The following ITGA2 variants were observed in gnomAD, a reference collection of about 807,000 sequenced individuals.
The protein encoded by ITGA2 is integrin alpha-2.
Under a neutral mutation model 146.3 loss-of-function variants are expected in ITGA2, and 101 were observed. The ratio of observed to expected loss-of-function variants is 0.69; its 90% CI spans 0.59 to 0.81. The LOEUF is 0.81. Among genes scored for constraint, ITGA2 ranks in the 40% least tolerant of loss-of-function variants. ITGA2 has a pLI of 0.00. For missense variants in ITGA2, 1,281 were observed against 1,402.7 expected (o/e 0.91, Z 1.39); for synonymous variants, 477 against 487.1 (o/e 0.98, Z 0.27).
At chr5:52,995,297 G>A (rs1741181443) in intron 1 of ITGA2, among the ~76,000 whole-genome samples, 1 of 152,194 alleles carries the variant, frequency 6.6e-6, no homozygotes, top group Non-Finnish European at 1.5e-5. Flanking sequence ...AGGAGAGTGG[G>A]TTGGATGGAG....
chr5:53,070,925 T>C (rs764695463), intron 17 of ITGA2, among the ~76,000 whole-genome samples: 1 of 151,912 alleles, frequency 6.6e-6, no homozygotes. Context: ...TTTCTTAGAA[T>C]ACAGTTCTCA....
Position 52,989,493 on chromosome 5 carries a change from G to T in ITGA2, c.25G>T (p.Ala9Ser), listed in dbSNP as rs1740804694. The T allele has an allele frequency of 6.2e-7, 1 of 1,614,042 alleles. No homozygotes were observed. Among genetic ancestry groups the T allele is most frequent in the African/African-American group, 1.3e-5 (1 of 74,948 alleles). Reference sequence around the variant, plus strand: ...GATGGGGCCAGAACGGACAGGGGCCGCGCCGCTGCCGCTGCTGCTGGTGTT... The same window carrying T: ...GATGGGGCCAGAACGGACAGGGGCCTCGCCGCTGCCGCTGCTGCTGGTGTT... MGPERTGAAPLPLLLVLAL... is the reference protein window; with the variant it reads MGPERTGASPLPLLLVLAL... Residue 9 changes from alanine to serine, a missense_variant, in exon 1 of 30, where the codon GCG (alanine) becomes TCG (serine). Coordinates refer to ENST00000296585, the MANE Select transcript of ITGA2 (RefSeq NM_002203.4).
chr5:52,996,378 G>A (rs897554407), intron 1 of ITGA2, among the ~76,000 whole-genome samples: 1 of 152,136 alleles, frequency 6.6e-6, no homozygotes, highest in Non-Finnish European at 1.5e-5. Flanking sequence ...CAGAGAGAAA[G>A]GAGAGGAAGA....
At chr5:53,004,111 A>T (rs1561281036) in intron 1 of ITGA2, among the ~76,000 whole-genome samples, 1 of 152,178 alleles carries the variant, frequency 6.6e-6, no homozygotes. Flanking sequence ...ATAGCAATAC[A>T]CTACTCCAGC....
intron 1 of ITGA2, among the ~76,000 whole-genome samples, chr5:53,008,036 T>TA (rs1004321116): frequency 6.6e-6 from 1 of 152,136 alleles, no homozygotes; most frequent in Non-Finnish European, 1.5e-5. Flanking sequence ...CCTGAAATAG[T>TA]AAATTGGAAT....
At position 52,997,562 on chromosome 5, in the gene ITGA2, C is replaced by T. The variant is rs188323537; in HGVS notation, c.64+8030C>T. Among the ~76,000 whole-genome samples the T allele has an allele frequency of 1.2e-4, 19 of 152,334 alleles. No homozygotes were observed. The East Asian group carries it at 2.5e-3, about 20-fold the overall frequency. On this transcript the variant is annotated intron_variant, in intron 1 of 29. Transcript: ENST00000296585. ...CGAGCAAAGCTATTGCACCGATGGA[C>T]GCCTTGAACATTGGCAGTTGTCATT...
intron 1 of ITGA2, among the ~76,000 whole-genome samples, chr5:52,992,745 T>C (rs200037808): frequency 6.6e-6 from 1 of 152,352 alleles, no homozygotes; most frequent in East Asian, 1.9e-4. Flanking sequence ...AAGACACTTA[T>C]ATGTTTCCAA....
chr5:53,028,265 G>A (rs1330267176), intron 2 of ITGA2, among the ~76,000 whole-genome samples: 1 of 152,192 alleles, frequency 6.6e-6, no homozygotes, highest in Non-Finnish European at 1.5e-5. Context: ...TTTCTCAGCA[G>A]GCATCTTGGA....
At chr5:53,012,942 G>T (rs1742213113) in intron 1 of ITGA2, among the ~76,000 whole-genome samples, 1 of 151,926 alleles carries the variant, frequency 6.6e-6, no homozygotes, top group Non-Finnish European at 1.5e-5. Flanking sequence ...TTTTTAATGG[G>T]GTTGTTTGGT....
intron 4 of ITGA2, among the ~76,000 whole-genome samples, chr5:53,046,421 T>C (rs1297737972): frequency 2.0e-5 from 3 of 152,054 alleles, no homozygotes; most frequent in Non-Finnish European, 4.4e-5. Context: ...TTGTGATATG[T>C]GTTAACATCA....
At chr5:53,055,743 T>A in intron 8 of ITGA2, 55 bp downstream of exon 8, 1 of 1,589,434 alleles carries the variant, frequency 6.3e-7, no homozygotes, top group Non-Finnish European at 8.6e-7. Flanking sequence ...TCTTTCTTTA[T>A]AGCATCACTT....
intron 1 of ITGA2, among the ~76,000 whole-genome samples, chr5:53,025,775 C>T (rs1364826874): frequency 2.6e-5 from 4 of 152,130 alleles, no homozygotes; most frequent in Non-Finnish European, 5.9e-5. Context: ...TCAGTGTCTG[C>T]GAAGGTAAAT....
intron 1 of ITGA2, among the ~76,000 whole-genome samples, chr5:53,025,127 A>C (rs137874480): frequency 2.8e-4 from 42 of 152,158 alleles, no homozygotes; most frequent in Admixed American, 7.2e-4. Flanking sequence ...GCAGTTTGGC[A>C]TCATCTCTCC....
intron 1 of ITGA2, among the ~76,000 whole-genome samples, chr5:53,024,199 A>G (rs11741738): frequency 0.26 from 39,723 of 152,082 alleles, 6,231 homozygotes; most frequent in Non-Finnish European, 0.35. Context: ...TTGCTGTTCC[A>G]CAGGATTGTT....
rs756242022 is a variant in ITGA2, at chr5:53,074,395, C to G, written c.2582C>G (p.Thr861Arg). ...FASFSLPVDG[T>R]EVTCQVAASQ... is the part of the protein sequence containing the mutation. ...CTTGGTCTTGTTCAGGTTGATGGGA[C>G]AGAAGTAACATGCCAGGTGGCTGCA... The change falls in exon 21 of 30, where the codon ACA (threonine) becomes AGA (arginine). Residue 861 changes from threonine (T) to arginine (R), a missense_variant. Thr to Arg is a moderately conservative substitution (Grantham distance 71). Around this residue, in one of 3 missense-constraint regions of ITGA2, gnomAD observed 475 missense variants for 530.5 expected, o/e 0.90. Coordinates refer to ENST00000296585, the MANE Select transcript of ITGA2 (RefSeq NM_002203.4). The G allele has an allele frequency of 6.2e-7, 1 of 1,612,050 alleles. No individual in the cohort carries two copies. The highest frequency in any genetic ancestry group is 8.5e-7 in the Non-Finnish European group (1 of 1,178,812).
At chr5:53,002,152 A>G (rs1314073597) in intron 1 of ITGA2, among the ~76,000 whole-genome samples, 1 of 152,124 alleles carries the variant, frequency 6.6e-6, no homozygotes, top group African/African-American at 2.4e-5. Flanking sequence ...TTAAAACAAT[A>G]TTCAATATTG....
At chr5:53,019,663 G>A (rs987368096) in intron 1 of ITGA2, among the ~76,000 whole-genome samples, 1 of 152,224 alleles carries the variant, frequency 6.6e-6, no homozygotes, top group East Asian at 1.9e-4. Flanking sequence ...GTAGCTGGGA[G>A]TACAGGCATG....
intron 26 of ITGA2, among the ~76,000 whole-genome samples, chr5:53,082,753 T>C (rs1197745782): frequency 1.3e-5 from 2 of 152,198 alleles, no homozygotes; most frequent in African/African-American, 4.8e-5. Flanking sequence ...ATTTGACAAA[T>C]GTAAAATGAC....
intron 11 of ITGA2, 85 bp from the exon 12 acceptor site, chr5:53,060,816 T>G: frequency 7.8e-7 from 1 of 1,285,360 alleles, no homozygotes; most frequent in South Asian, 1.2e-5. Context: ...CACAAAAGGA[T>G]CTCTGGTCAC....
Sources: gnomAD v4.1 joint callset for allele counts (sites outside exome capture counted in the v4.1 genomes callset) on GRCh38, gnomAD v4.1.1 for gene constraint, gnomAD v4.1.1 regional missense constraint, MANE v1.5 for transcripts, NCBI Gene and HGNC (gene_info 2026-07-23, HGNC 2026-07-21) for gene names.